POR: variants seen among roughly 807,000 people sequenced by gnomAD.
The protein encoded by POR is NADPH--cytochrome P450 reductase.
A neutral mutation model predicts 84.0 loss-of-function variants in POR; 56 were observed. The observed-to-expected ratio is 0.67, with a 90% CI of 0.54 to 0.83. The LOEUF (loss-of-function observed/expected upper bound fraction) is 0.83, where lower values mean the gene tolerates loss of function less well. POR is among the 40% of genes least tolerant of loss of function. The pLI, the probability that POR is intolerant of heterozygous loss-of-function variation, is 0.00. For synonymous variants in POR, 414 were observed against 400.5 expected (o/e 1.03, Z -0.40); for missense variants, 938 against 944.3 (o/e 0.99, Z 0.09).
At chr7:75,951,046 G>A (rs567813824) in intron 1 of POR, among the ~76,000 whole-genome samples, 86 of 127,204 alleles carry the variant, frequency 6.8e-4, no homozygotes, top group South Asian at 2.3e-3. Context: ...GTGACAGAGC[G>A]AGGCTCTGTC....
chr7:75,937,450 G>T (rs1217038048), intron 1 of POR, among the ~76,000 whole-genome samples: 1 of 106,436 alleles, frequency 9.4e-6, no homozygotes, highest in Admixed American at 1.1e-4. Flanking sequence ...CCAGCCTGGG[G>T]ACAAGAGCCA....
Position 75,954,114 on chromosome 7 carries a change from TA to T in POR, c.124del (p.Thr42ProfsTer22). 1.2e-6 allele frequency: 2 copies of T among 1,613,504 alleles called. No individual in the cohort carries two copies. Among genetic ancestry groups the T allele is most frequent in the Non-Finnish European group, 1.7e-6 (2 of 1,179,658 alleles). ...CTGTTTTCGCTCATCGTGGGTCTCC[TA>T]ACCTACTGGTTCCTCTTCAGAAAGA... On this transcript the variant is annotated frameshift_variant, in exon 2 of 16. Transcript: ENST00000461988. LOFTEE classifies it high-confidence loss of function.
intron 2 of POR, among the ~76,000 whole-genome samples, chr7:75,965,924 G>A (rs573050781): frequency 3.5e-4 from 54 of 152,214 alleles, no homozygotes; most frequent in Non-Finnish European, 5.9e-4. Context: ...TGCCCGGGGC[G>A]CACTGCAGAC....
intron 2 of POR, chr7:75,970,938 T>TTTTTATTTTATTTTATTTTA (rs782776831): frequency 9.2e-6 from 1 of 109,106 alleles, no homozygotes; most frequent in African/African-American, 3.8e-5. Context: ...TTAATGGCGT[T>TTTTTATTTTATTTTATTTTA]TTTTATTTTA....
At chr7:75,968,664 G>A (rs149536360) in intron 2 of POR, among the ~76,000 whole-genome samples, 11 of 152,336 alleles carry the variant, frequency 7.2e-5, no homozygotes, top group East Asian at 3.9e-4. Flanking sequence ...TCTGTGTTGC[G>A]CCGGTGACCT....
intron 2 of POR, 33 bp from the exon 3 acceptor site, chr7:75,972,380 C>T (rs1554556285): frequency 1.3e-6 from 2 of 1,596,624 alleles, no homozygotes; most frequent in South Asian, 1.1e-5. Context: ...TGACACCTGC[C>T]TCCCACGCTC....
At chr7:75,963,801 G>T (rs1159138240) in intron 2 of POR, among the ~76,000 whole-genome samples, 2 of 152,072 alleles carry the variant, frequency 1.3e-5, no homozygotes, top group African/African-American at 4.8e-5. Flanking sequence ...GGAGTCAGGG[G>T]TCGTGGGGGG....
rs782083065 is a variant in POR at position 75,981,125 on chromosome 7, C to T, written c.594C>T (p.Leu198=). 9 of 1,557,788 alleles carry T rather than the reference C, an allele frequency of 5.8e-6. No homozygotes were observed. The highest frequency in any genetic ancestry group is 3.8e-5 in the Admixed American group (2 of 51,996). The stretch of plus-strand genomic sequence containing the variant: ...ACGTGGACAAGCGGCTGGAGCAGCT[C>T]GGCGCCCAGCGCATCTTTGAGCTGG... Residue 198 remains leucine (L), a synonymous_variant, in exon 6 of 16, where the codon CTC becomes CTT. Coordinates refer to ENST00000461988, the MANE Select transcript of POR (RefSeq NM_000941.3).
chr7:75,964,587 T>C (rs1303800479), intron 2 of POR, among the ~76,000 whole-genome samples: 1 of 152,170 alleles, frequency 6.6e-6, no homozygotes, highest in African/African-American at 2.4e-5. Context: ...GGATTACAGG[T>C]GTGAGCCACC....
At chr7:75,933,794 C>T (rs1361145562) in intron 1 of POR, among the ~76,000 whole-genome samples, 3 of 152,144 alleles carry the variant, frequency 2.0e-5, no homozygotes, top group African/African-American at 7.2e-5. Flanking sequence ...CTTGAGCGCC[C>T]TTTACCCAGA....
chr7:75,970,377 A>T (rs1254938410), intron 2 of POR, among the ~76,000 whole-genome samples: 2 of 151,096 alleles, frequency 1.3e-5, no homozygotes, highest in African/African-American at 4.9e-5. Context: ...CTATGATCGC[A>T]CCGCACGGTC....
In POR at chr7:75,980,510, A is replaced by T. The variant is rs72555504; in HGVS notation, c.516+22A>T. 2.4e-4 allele frequency: 386 copies of T among 1,612,506 alleles called. 1 individual carries two copies. The highest frequency in any genetic ancestry group is 3.1e-4 in the Non-Finnish European group (364 of 1,179,784). ...CGCGGTGAGTCACCCAGAGACTGCT[A>T]TGGGCTCCCGGTGGCCTGCGGTGCC... is the stretch of plus-strand genomic sequence containing the variant. On this transcript the variant is annotated intron_variant, in intron 5 of 15. Coordinates refer to ENST00000461988, the MANE Select transcript of POR (RefSeq NM_000941.3).
chr7:75,961,559 G>T (rs976370899), intron 2 of POR, among the ~76,000 whole-genome samples: 5 of 152,100 alleles, frequency 3.3e-5, no homozygotes, highest in African/African-American at 9.7e-5. Flanking sequence ...TAGGGCACAG[G>T]AGAGTGGACC....
chr7:75,974,354 T>C (rs1336594092), intron 3 of POR, among the ~76,000 whole-genome samples: 1 of 152,156 alleles, frequency 6.6e-6, no homozygotes, highest in Admixed American at 6.5e-5. Context: ...GAGAAAACTG[T>C]TCCCCACAGC....
At chr7:75,983,463 A>T in intron 8 of POR, 57 bp from the exon 9 acceptor site, 1 of 1,258,784 alleles carries the variant, frequency 7.9e-7, no homozygotes, top group South Asian at 1.2e-5. Flanking sequence ...GTCCTTGGAG[A>T]CGGAGACTCA....
At position 75,916,116 on chromosome 7, in the gene POR, C is replaced by G. The variant is rs542151571; in HGVS notation, c.-5+937C>G. Among the ~76,000 whole-genome samples the G allele has an allele frequency of 2.0e-5, 3 of 151,940 alleles. No homozygotes were observed. The South Asian group carries it at 6.2e-4, about 32-fold the overall frequency. ...TGGCCCTGGTTTGATTCTTGGCAAGCAAGATACCTCCTGGAGCCTCCGTTT... is the reference window on the plus strand; with the variant it reads ...TGGCCCTGGTTTGATTCTTGGCAAGGAAGATACCTCCTGGAGCCTCCGTTT... On this transcript the variant is annotated intron_variant, in intron 1 of 15. Coordinates refer to ENST00000461988, the MANE Select transcript of POR (RefSeq NM_000941.3).
rs1554551852 is a variant in POR, at chr7:75,943,976, C to T, written c.-4-10013C>T. Reference sequence around the variant, plus strand: ...CTTAAAAAAAAAATAGCCAAGGAAACCTCGACTCTTCAAGGAAGCAAGGAA... The same window carrying T: ...CTTAAAAAAAAAATAGCCAAGGAAATCTCGACTCTTCAAGGAAGCAAGGAA... On this transcript the variant is annotated intron_variant, in intron 1 of 15. Transcript: ENST00000461988. 3 of 429,840 alleles carry T rather than the reference C, an allele frequency of 7.0e-6. No homozygotes were observed. The Admixed American group carries it at 8.3e-5, about 12-fold the overall frequency. The allele number at this position is 429,840 out of a possible 1,614,324, so 26.6% of individuals were successfully genotyped here.
At chr7:75,950,061 G>A (rs1305308259) in intron 1 of POR, among the ~76,000 whole-genome samples, 5 of 151,018 alleles carry the variant, frequency 3.3e-5, no homozygotes, top group South Asian at 4.2e-4. Flanking sequence ...AAGTAGAGAC[G>A]GGGTTTCACT....
At chr7:75,953,354 C>CT (rs1284457941) in intron 1 of POR, among the ~76,000 whole-genome samples, 1 of 135,918 alleles carries the variant, frequency 7.4e-6, no homozygotes, top group Non-Finnish European at 1.6e-5. Context: ...GACTTTGTCT[C>CT]TTAAAAAAAA....
Sources: gnomAD v4.1 joint callset for allele counts (sites outside exome capture counted in the v4.1 genomes callset) on GRCh38, gnomAD v4.1.1 for gene constraint, MANE v1.5 for transcripts, NCBI Gene and HGNC (gene_info 2026-07-23, HGNC 2026-07-21) for gene names.